PREPL: variants seen among roughly 807,000 people sequenced by gnomAD.
PREPL encodes the protein prolyl endopeptidase-like.
PREPL carries 77 observed loss-of-function variants against 70.6 expected under a neutral mutation model. The ratio of observed to expected loss-of-function variants is 1.09; its 90% CI spans 0.91 to 1.32. The LOEUF is 1.32. Ranked by LOEUF, PREPL falls within the 40% of genes most tolerant of loss-of-function variation. PREPL has a pLI of 0.00. For synonymous variants in PREPL, 315 were observed against 264.8 expected (o/e 1.19, Z -1.84); for missense variants, 1,002 against 778.2 (o/e 1.29, Z -3.42).
At chr2:44,340,384 T>C (rs1051772997) in intron 5 of PREPL, among the ~76,000 whole-genome samples, 1 of 152,116 alleles carries the variant, frequency 6.6e-6, no homozygotes, top group Non-Finnish European at 1.5e-5. Flanking sequence ...TATACTAACA[T>C]AATGAGTGGC....
At chr2:44,322,040 A>G (rs1489880501) in intron 12 of PREPL, 140 bp from the exon 13 acceptor site, 1 of 806,006 alleles carries the variant, frequency 1.2e-6, no homozygotes, top group Admixed American at 3.0e-5. Flanking sequence ...ACCATCATCA[A>G]CAAAAAGATG....
intron 8 of PREPL, among the ~76,000 whole-genome samples, chr2:44,331,282 T>C (rs1335353461): frequency 6.6e-6 from 1 of 152,016 alleles, no homozygotes; most frequent in Non-Finnish European, 1.5e-5. Context: ...TGGTGAGGTC[T>C]TGGCTCACTG....
chr2:44,344,959 T>C (rs1329306655), intron 2 of PREPL, among the ~76,000 whole-genome samples: 1 of 152,166 alleles, frequency 6.6e-6, no homozygotes, highest in Non-Finnish European at 1.5e-5. Flanking sequence ...CAATCCAAAA[T>C]GATGCAGATG....
chr2:44,349,961 C>T (rs1279095540), intron 1 of PREPL, among the ~76,000 whole-genome samples: 1 of 151,936 alleles, frequency 6.6e-6, no homozygotes, highest in Admixed American at 6.6e-5. Context: ...ACTAAATGTC[C>T]CCTTCTTGAA....
intron 8 of PREPL, 132 bp from the exon 9 acceptor site, chr2:44,329,244 T>C (rs1315868895): frequency 1.4e-6 from 1 of 692,988 alleles, no homozygotes; most frequent in African/African-American, 1.8e-5. Context: ...CAAATTTGTT[T>C]AAGAAAAAGA....
Position 44,321,155 on chromosome 2 carries a change from G to T in PREPL, c.*201C>A, listed in dbSNP as rs1445809209. 3 of 557,968 alleles carry T rather than the reference G, an allele frequency of 5.4e-6. No individual in the cohort carries two copies. The South Asian group carries it at 7.1e-5, about 13-fold the overall frequency. 34.6% of individuals were successfully genotyped at this position (557,968 alleles called of 1,614,324 possible). A position where few individuals can be genotyped will look rare whatever the true frequency, so the allele number is the denominator to read the frequency against. On this transcript the variant is annotated 3_prime_UTR_variant, in exon 14 of 14. Transcript: ENST00000409411. ...CATGATTTGAAAATTACTTTCCTAG[G>T]TTAATGGGCATGTGCATCAATGGAG... is the stretch of plus-strand genomic sequence containing the variant.
In PREPL at chr2:44,355,925, C is replaced by A. The variant is rs139167880; in HGVS notation, c.-49+5455G>T. ...ATTTTGTATCTTGTTCAAATTATCA[C>A]TATTAAAGATTTTGGGAATTATTTT... On this transcript the variant is annotated intron_variant, in intron 1 of 13. Coordinates refer to ENST00000409411, the MANE Select transcript of PREPL (RefSeq NM_001171613.2). 2.0e-5 allele frequency among the ~76,000 whole-genome samples: 3 copies of A among 152,094 alleles called. No homozygotes were observed. In the East Asian group the frequency reaches 5.8e-4, roughly 29 times the overall value.
chr2:44,326,621 C>T (rs529711294), intron 10 of PREPL, 91 bp downstream of exon 10: 88 of 1,333,814 alleles, frequency 6.6e-5, no homozygotes, highest in South Asian at 3.9e-4. Flanking sequence ...AGGCATGAGC[C>T]GCTGTGCCAG....
chr2:44,344,689 G>A, intron 2 of PREPL, 103 bp from the exon 3 acceptor site: 2 of 804,268 alleles, frequency 2.5e-6, no homozygotes, highest in Non-Finnish European at 3.8e-6. Flanking sequence ...ATAAAAAACA[G>A]ACCTGTTGAA....
chr2:44,361,757 T>G (rs148297843), upstream of PREPL: 1,551 of 504,494 alleles, frequency 3.1e-3, 7 homozygotes, highest in Middle Eastern at 0.015. Flanking sequence ...CTGCCACAGC[T>G]CTCTCATCCT....
In PREPL at chr2:44,320,751, T is replaced by G. The variant is rs1241885036; in HGVS notation, c.*605A>C. On this transcript the variant is annotated 3_prime_UTR_variant, in exon 14 of 14. Transcript: ENST00000409411. ...GAACAATCATTAATTCTTCGATATT[T>G]CTGTAGCTTGAATGTAACTGCTTTA... 1 of 884,006 alleles carries G rather than the reference T, an allele frequency of 1.1e-6. No homozygotes were observed. Among genetic ancestry groups the G allele is most frequent in the African/African-American group, 1.7e-5 (1 of 60,382 alleles). The allele number at this position is 884,006 out of a possible 1,614,324, so 54.8% of individuals were successfully genotyped here. A position where few individuals can be genotyped will look rare whatever the true frequency, so the allele number is the denominator to read the frequency against.
In PREPL at chr2:44,344,493, C is replaced by T. The variant is rs770679308; in HGVS notation, c.142+27G>A. On this transcript the variant is annotated intron_variant, in intron 3 of 13. Transcript: ENST00000409411. ...AAAATATGAAATCTGAAAATTAGAG[C>T]ACGTAAAAAGAAAAATTGTGGTGTA... 5 of 1,467,770 alleles carry T rather than the reference C, an allele frequency of 3.4e-6. No individual in the cohort carries two copies. The South Asian group carries it at 4.0e-5, about 12-fold the overall frequency. The allele number at this position is 1,467,770 out of a possible 1,614,324, so 90.9% of individuals were successfully genotyped here.
chr2:44,360,019 T>C (rs769489847), intron 1 of PREPL: 10 of 282,978 alleles, frequency 3.5e-5, no homozygotes, highest in Non-Finnish European at 6.6e-5. Flanking sequence ...GCACTGACTC[T>C]GGCACACATA....
chr2:44,320,234 A>G lies in PREPL; in HGVS notation c.*1122T>C, dbSNP rs750506648. On this transcript the variant is annotated 3_prime_UTR_variant, in exon 14 of 14. Coordinates refer to ENST00000409411, the MANE Select transcript of PREPL (RefSeq NM_001171613.2). Reference sequence around the variant, plus strand: ...CTCAGCCCAGATCGGCTTTGAAGTTATATCAAGATTTAAGTCTACTTCATG... The same window carrying G: ...CTCAGCCCAGATCGGCTTTGAAGTTGTATCAAGATTTAAGTCTACTTCATG... The G allele has an allele frequency of 2.0e-5, 32 of 1,613,902 alleles. No individual in the cohort carries two copies. The Admixed American group carries it at 5.2e-4, about 26-fold the overall frequency.
chr2:44,344,114 A>C (rs1675521931), intron 3 of PREPL, among the ~76,000 whole-genome samples, 163 bp from the exon 4 acceptor site: 1 of 152,208 alleles, frequency 6.6e-6, no homozygotes, highest in East Asian at 1.9e-4. Flanking sequence ...ACTGACAATA[A>C]GTTATTTAAT....
At position 44,332,500 on chromosome 2, in the gene PREPL, T is replaced by C. The variant is rs2103837942; in HGVS notation, c.1045A>G (p.Thr349Ala). 7 of 1,614,138 alleles carry C rather than the reference T, an allele frequency of 4.3e-6. No individual in the cohort carries two copies. The highest frequency in any genetic ancestry group is 1.3e-5 in the African/African-American group (1 of 75,054). The change falls in exon 8 of 14, where the codon ACA (threonine) becomes GCA (alanine). Residue 349 changes from threonine to alanine, a missense_variant. Transcript: ENST00000409411. The part of the protein sequence containing the change: ...FEETGHEDPI[T>A]KTSRVLRLEA... ...AGACGTAAAACGCGACTAGTCTTTGTGATTGGGTCTTCATGCCCAGTTTCC... is the reference window on the plus strand; with the variant it reads ...AGACGTAAAACGCGACTAGTCTTTGCGATTGGGTCTTCATGCCCAGTTTCC...
intron 10 of PREPL, among the ~76,000 whole-genome samples, chr2:44,324,880 C>A (rs892406374): frequency 6.6e-6 from 1 of 152,076 alleles, no homozygotes; most frequent in Non-Finnish European, 1.5e-5. Context: ...AAGAGCAAAA[C>A]TCTGACTCAA....
chr2:44,338,621 C>T, intron 6 of PREPL, 85 bp from the exon 7 acceptor site: 1 of 1,055,690 alleles, frequency 9.5e-7, no homozygotes, highest in Non-Finnish European at 1.4e-6. Flanking sequence ...AGAACTAGAC[C>T]ATACTAGTCC....
chr2:44,359,932 T>G (rs919465374), intron 1 of PREPL: 2 of 513,848 alleles, frequency 3.9e-6, no homozygotes, highest in Non-Finnish European at 6.9e-6. Context: ...TAAAGTTTCA[T>G]TCAAATCATA....
Sources: allele counts gnomAD v4.1 joint callset (sites outside exome capture counted in the v4.1 genomes callset), GRCh38; gene constraint gnomAD v4.1.1; transcripts MANE v1.5; gene names NCBI Gene and HGNC (gene_info 2026-07-23, HGNC 2026-07-21).